The following JAKMIP2 variants were observed in gnomAD, a reference collection of about 807,000 sequenced individuals.
JAKMIP2 encodes the protein janus kinase and microtubule interacting protein 2, also known as janus kinase and microtubule-interacting protein 2.
A neutral mutation model predicts 115.0 loss-of-function variants in JAKMIP2; 25 were observed. The observed-to-expected ratio is 0.22, with a 90% CI of 0.16 to 0.30. The LOEUF is 0.30. JAKMIP2 is among the 10% of genes least tolerant of loss of function. The pLI is 1.00. For missense variants in JAKMIP2, 642 were observed against 957.6 expected, an observed-to-expected ratio of 0.67 and a Z score of 4.35; for synonymous variants, 334 against 343.6, an observed-to-expected ratio of 0.97 and a Z score of 0.31.
At chr5:147,636,381 C>T (rs1757615622) in intron 11 of JAKMIP2, 97 bp from the exon 12 acceptor site, 1 of 947,908 alleles carries the variant, frequency 1.1e-6, no homozygotes, top group Admixed American at 2.1e-5. Flanking sequence ...TCTCCCCACC[C>T]TGTTTGTTTG....
Position 147,774,762 on chromosome 5 carries a change from C to T in JAKMIP2, c.-149+7694G>A, listed in dbSNP as rs556045190. 4.6e-5 allele frequency among the ~76,000 whole-genome samples: 7 copies of T among 152,102 alleles called. No homozygotes were observed. In the East Asian group the frequency reaches 7.7e-4, roughly 17 times the overall value. ...ATAAGAAAGAGCCAGGTAAGAAATG[C>T]GGGTAAAAAACAATTGCCTGGTTTT... is the stretch of plus-strand genomic sequence containing the variant. On this transcript the variant is annotated intron_variant, in intron 1 of 21. Transcript: ENST00000616793.
chr5:147,650,569 A>T, intron 3 of JAKMIP2, 22 bp from the exon 4 acceptor site: 2 of 1,559,500 alleles, frequency 1.3e-6, no homozygotes, highest in Non-Finnish European at 1.8e-6. Flanking sequence ...GAGACCCAGG[A>T]CATTTTATTT....
intron 1 of JAKMIP2, among the ~76,000 whole-genome samples, chr5:147,725,883 G>A (rs1313968384): frequency 1.3e-5 from 2 of 152,144 alleles, no homozygotes; most frequent in Non-Finnish European, 2.9e-5. Context: ...GACTAGGCAT[G>A]TACACGATAA....
intron 17 of JAKMIP2, 22 bp downstream of exon 17, chr5:147,623,599 C>T (rs1338871165): frequency 2.6e-6 from 4 of 1,520,990 alleles, no homozygotes; most frequent in East Asian, 4.5e-5. Flanking sequence ...TTAATTTTTA[C>T]AATATCTCAT....
intron 1 of JAKMIP2, among the ~76,000 whole-genome samples, chr5:147,742,516 G>C (rs1754189117): frequency 6.6e-6 from 1 of 152,096 alleles, no homozygotes; most frequent in African/African-American, 2.4e-5. Context: ...TTGCAATTTT[G>C]TGAGGGAAGA....
chr5:147,613,286 A>G (rs1252647667), intron 19 of JAKMIP2, among the ~76,000 whole-genome samples: 4 of 152,182 alleles, frequency 2.6e-5, no homozygotes, highest in Non-Finnish European at 5.9e-5. Context: ...CTCTGTAGGG[A>G]ATAATTAGAA....
At chr5:147,640,974 C>CATA (rs35508500) in intron 8 of JAKMIP2, 151 bp from the exon 9 acceptor site, 105,048 of 594,606 alleles carry the variant, frequency 0.18, 14,211 homozygotes, top group East Asian at 0.55. Flanking sequence ...TAGGCATGAG[C>CATA]ATAATTCCAA....
chr5:147,669,635 G>A (rs1167617041), intron 2 of JAKMIP2, among the ~76,000 whole-genome samples: 1 of 152,202 alleles, frequency 6.6e-6, no homozygotes, highest in Non-Finnish European at 1.5e-5. Context: ...TAGGAATGTA[G>A]ATTGTCATCC....
intron 21 of JAKMIP2, chr5:147,594,261 A>G (rs146718218): frequency 3.9e-6 from 1 of 253,976 alleles, no homozygotes; most frequent in East Asian, 9.4e-5. Flanking sequence ...TAACAGTGCT[A>G]CAATTTAGTT....
At chr5:147,612,826 G>A (rs543336805) in intron 19 of JAKMIP2, among the ~76,000 whole-genome samples, 24 of 152,300 alleles carry the variant, frequency 1.6e-4, no homozygotes, top group African/African-American at 5.5e-4. Context: ...GATTTTGATT[G>A]TTTGTTACCA....
chr5:147,660,855 GAC>G (rs1490234159), intron 3 of JAKMIP2, 91 bp downstream of exon 3: 74 of 1,417,234 alleles, frequency 5.2e-5, no homozygotes, highest in Middle Eastern at 2.6e-4. Context: ...ACAATCCACT[GAC>G]AAGAAAACAC....
intron 20 of JAKMIP2, among the ~76,000 whole-genome samples, chr5:147,605,551 T>C (rs1010705851): frequency 2.6e-5 from 4 of 152,162 alleles, no homozygotes; most frequent in Non-Finnish European, 5.9e-5. Flanking sequence ...TCATGGGCAT[T>C]TGGGTTGGTT....
At position 147,661,094 on chromosome 5, in the gene JAKMIP2, T is replaced by C. The variant is rs754676884; in HGVS notation, c.481A>G (p.Thr161Ala). 8.1e-6 allele frequency: 13 copies of C among 1,613,886 alleles called. No homozygotes were observed. In the Admixed American group the frequency reaches 2.0e-4, roughly 25 times the overall value. Residue 161 changes from threonine (T) to alanine (A), a missense_variant, in exon 3 of 22, where the codon ACG (threonine) becomes GCG (alanine). By Grantham distance (58) the Thr-to-Ala change is moderately conservative (BLOSUM62 0). Around this residue, in one of 6 missense-constraint regions of JAKMIP2, gnomAD observed 439 missense variants for 570.9 expected, o/e 0.77. Coordinates refer to ENST00000616793, the MANE Select transcript of JAKMIP2 (RefSeq NM_001270941.2). ...GCCTCGTCCACCTGCTTCTTGGCCG[T>C]TTTCAGGTCCGCAATTTCCTGTAAG... is the stretch of plus-strand genomic sequence containing the variant. ...KLLQEIADLK[T>A]AKKQVDEALS...
intron 1 of JAKMIP2, among the ~76,000 whole-genome samples, chr5:147,681,649 G>A (rs1760285720): frequency 6.6e-6 from 1 of 152,108 alleles, no homozygotes; most frequent in African/African-American, 2.4e-5. Flanking sequence ...GCCCACCCTA[G>A]GGGAGGAATC....
At chr5:147,602,049 C>A (rs1465376599) in intron 20 of JAKMIP2, among the ~76,000 whole-genome samples, 5 of 152,090 alleles carry the variant, frequency 3.3e-5, no homozygotes, top group African/African-American at 9.7e-5. Flanking sequence ...AACAATTGGT[C>A]TAAGCTCCTA....
intron 2 of JAKMIP2, among the ~76,000 whole-genome samples, chr5:147,667,149 T>C (rs1455319527): frequency 2.0e-5 from 3 of 151,986 alleles, no homozygotes; most frequent in Admixed American, 2.0e-4. Context: ...ACACTTGGGG[T>C]GCGTATGGGC....
chr5:147,689,403 G>A (rs1226329599), intron 1 of JAKMIP2, among the ~76,000 whole-genome samples: 3 of 152,208 alleles, frequency 2.0e-5, no homozygotes, highest in African/African-American at 7.2e-5. Context: ...AGTAAAAGGA[G>A]AAGACTGAGC....
At chr5:147,695,098 G>A (rs982479088) in intron 1 of JAKMIP2, among the ~76,000 whole-genome samples, 3 of 152,098 alleles carry the variant, frequency 2.0e-5, no homozygotes, top group African/African-American at 7.2e-5. Flanking sequence ...TTATGATCAA[G>A]CTAGACTCAA....
chr5:147,673,107 A>G (rs535425790), intron 1 of JAKMIP2, among the ~76,000 whole-genome samples: 2 of 152,184 alleles, frequency 1.3e-5, no homozygotes, highest in Non-Finnish European at 1.5e-5. Context: ...ATAGAAGGCA[A>G]CTGAATTTGT....
Sources: gnomAD v4.1 joint callset for allele counts (sites outside exome capture counted in the v4.1 genomes callset) on GRCh38, gnomAD v4.1.1 for gene constraint, gnomAD v4.1.1 regional missense constraint, MANE v1.5 for transcripts, NCBI Gene and HGNC (gene_info 2026-07-23, HGNC 2026-07-21) for gene names.